GFRA2: variants seen among roughly 807,000 people sequenced by gnomAD.
The protein encoded by GFRA2 is GDNF family receptor alpha 2.
GFRA2 carries 17 observed loss-of-function variants against 48.3 expected under a neutral mutation model. The ratio of observed to expected loss-of-function variants is 0.35; its 90% CI spans 0.24 to 0.53. GFRA2 has a LOEUF of 0.53. Among genes scored for constraint, GFRA2 ranks in the 20% least tolerant of loss-of-function variants. The pLI is 0.93. For synonymous variants in GFRA2, 305 were observed against 257.2 expected (o/e 1.19, Z -1.78); for missense variants, 660 against 637.3 (o/e 1.04, Z -0.38).
intron 7 of GFRA2, among the ~76,000 whole-genome samples, chr8:21,697,485 G>A (rs1370203412): frequency 6.6e-6 from 1 of 152,046 alleles, no homozygotes; most frequent in Non-Finnish European, 1.5e-5. Context: ...CCCTTGGGTG[G>A]GAGTGTTGCC....
intron 3 of GFRA2, among the ~76,000 whole-genome samples, chr8:21,758,627 G>A (rs1805710930): frequency 6.6e-6 from 1 of 152,092 alleles, no homozygotes; most frequent in African/African-American, 2.4e-5. Context: ...GAAGACCCCA[G>A]GTAAATCTCT....
At chr8:21,766,892 C>T (rs1172867322) in intron 3 of GFRA2, among the ~76,000 whole-genome samples, 1 of 11,528 alleles carries the variant, frequency 8.7e-5, no homozygotes, top group East Asian at 2.5e-3. Flanking sequence ...TACATCACCC[C>T]ACATCCACAC....
intron 4 of GFRA2, among the ~76,000 whole-genome samples, chr8:21,737,940 C>T (rs528158506): frequency 2.6e-5 from 4 of 152,272 alleles, no homozygotes; most frequent in East Asian, 1.9e-4. Context: ...GCCTGTGTGC[C>T]GGGCCGGATG....
In GFRA2 at chr8:21,697,554, A is replaced by T. The variant is rs77450730; in HGVS notation, c.1219-3037T>A. Among the ~76,000 whole-genome samples the T allele has an allele frequency of 4.1e-3, 619 of 152,128 alleles. 8 individuals are homozygous for T. In the East Asian group the frequency reaches 0.059, roughly 14 times the overall value. ...TGGCGGGAGGGGCAGAGAGAAAGAGAGACCACCTCTGATGCCAAAACCACC... is the reference window on the plus strand; with the variant it reads ...TGGCGGGAGGGGCAGAGAGAAAGAGTGACCACCTCTGATGCCAAAACCACC... On this transcript the variant is annotated intron_variant, in intron 7 of 8. Transcript: ENST00000524240.
intron 3 of GFRA2, among the ~76,000 whole-genome samples, chr8:21,753,125 G>C (rs1805378975): frequency 6.6e-6 from 1 of 152,048 alleles, no homozygotes; most frequent in Non-Finnish European, 1.5e-5. Context: ...AGCTCATTCG[G>C]GGGCTTCAGC....
At chr8:21,783,985 C>T (rs993515884) in intron 1 of GFRA2, among the ~76,000 whole-genome samples, 1 of 152,114 alleles carries the variant, frequency 6.6e-6, no homozygotes, top group East Asian at 1.9e-4. Flanking sequence ...TTTTGTTCTT[C>T]CTTCCAAAAG....
chr8:21,795,698 G>A (rs1271807650), intron 2 of GFRA2, among the ~76,000 whole-genome samples: 2 of 152,130 alleles, frequency 1.3e-5, no homozygotes, highest in Admixed American at 6.5e-5. Context: ...TGGCCTCAGG[G>A]AACAAACTCA....
intron 4 of GFRA2, among the ~76,000 whole-genome samples, chr8:21,728,060 G>A (rs1803971094): frequency 6.6e-6 from 1 of 152,058 alleles, no homozygotes; most frequent in Non-Finnish European, 1.5e-5. Context: ...ATAGATGGTA[G>A]AAAGTAATTT....
chr8:21,809,136 C>T (rs1807929253), intron 1 of GFRA2, among the ~76,000 whole-genome samples: 1 of 152,122 alleles, frequency 6.6e-6, no homozygotes, highest in Non-Finnish European at 1.5e-5. Flanking sequence ...CAACATCACG[C>T]AAGGAGTAAG....
chr8:21,807,915 G>A (rs1325502881), intron 1 of GFRA2, among the ~76,000 whole-genome samples: 1 of 152,166 alleles, frequency 6.6e-6, no homozygotes, highest in East Asian at 1.9e-4. Context: ...GCTCTGATAA[G>A]AAAAATTACT....
chr8:21,753,368 G>A (rs1805391842), intron 3 of GFRA2, among the ~76,000 whole-genome samples: 1 of 152,224 alleles, frequency 6.6e-6, no homozygotes, highest in Non-Finnish European at 1.5e-5. Flanking sequence ...AGCACTTTGG[G>A]AGGCCGAGGC....
chr8:21,736,926 G>A (rs1804493922), intron 4 of GFRA2, among the ~76,000 whole-genome samples: 1 of 130,444 alleles, frequency 7.7e-6, no homozygotes, highest in South Asian at 3.1e-4. Context: ...GGGAGGGGAG[G>A]GGAGGAGAGG....
intron 2 of GFRA2, among the ~76,000 whole-genome samples, chr8:21,804,154 C>T (rs905812823): frequency 1.3e-5 from 2 of 151,966 alleles, no homozygotes; most frequent in Non-Finnish European, 2.9e-5. Flanking sequence ...CAAACCTATA[C>T]TGCTGCCTAT....
intron 3 of GFRA2, among the ~76,000 whole-genome samples, chr8:21,773,936 G>A (rs1398823765): frequency 1.3e-5 from 2 of 152,230 alleles, no homozygotes; most frequent in South Asian, 4.1e-4. Flanking sequence ...CTCACAGGAC[G>A]GCTCCTCCCA....
intron 4 of GFRA2, among the ~76,000 whole-genome samples, chr8:21,737,036 G>C (rs1804502672): frequency 6.6e-6 from 1 of 151,916 alleles, no homozygotes; most frequent in African/African-American, 2.4e-5. Flanking sequence ...GGACCTAAAA[G>C]AGCCCCCTTC....
intron 1 of GFRA2, among the ~76,000 whole-genome samples, chr8:21,806,748 C>T (rs6988714): frequency 3.1e-4 from 47 of 152,200 alleles, no homozygotes; most frequent in African/African-American, 1.0e-3. Context: ...ATTACAGGTA[C>T]AAGCCACCAT....
At chr8:21,720,711 C>T (rs113670971) in intron 4 of GFRA2, among the ~76,000 whole-genome samples, 1 of 152,182 alleles carries the variant, frequency 6.6e-6, no homozygotes, top group African/African-American at 2.4e-5. Context: ...CTTAAACTTC[C>T]TCCAGTTCAC....
intron 4 of GFRA2, among the ~76,000 whole-genome samples, chr8:21,709,607 G>C (rs925753722): frequency 6.6e-6 from 1 of 152,180 alleles, no homozygotes; most frequent in African/African-American, 2.4e-5. Flanking sequence ...GGGGGCCAGG[G>C]ACTGGGGCAG....
chr8:21,782,698 G>A lies in GFRA2; in HGVS notation c.242C>T (p.Ala81Val). 2 of 1,593,602 alleles carry A rather than the reference G, an allele frequency of 1.3e-6. No individual in the cohort carries two copies. The highest frequency in any genetic ancestry group is 1.7e-6 in the Non-Finnish European group (2 of 1,170,580). The stretch of plus-strand genomic sequence containing the variant: ...CGGGCTCTCCTGCAAGACCTCCAAG[G>A]CCGCCTGGCACTCCTTGTTGGCCAG... ...TMLANKECQA[A>V]LEVLQESPLY... The change falls in exon 2 of 9, where the codon GCC becomes GTC. Residue 81 changes from alanine to valine, a missense_variant. Physicochemically the swap from Ala to Val is moderately conservative, Grantham distance 64. Transcript: ENST00000524240.
Sources: gnomAD v4.1 joint callset for allele counts (sites outside exome capture counted in the v4.1 genomes callset) on GRCh38, gnomAD v4.1.1 for gene constraint, MANE v1.5 for transcripts, NCBI Gene and HGNC (gene_info 2026-07-23, HGNC 2026-07-21) for gene names.